PXDNL: variants seen among roughly 807,000 people sequenced by gnomAD.
PXDNL encodes probable oxidoreductase PXDNL.
A neutral mutation model predicts 150.8 loss-of-function variants in PXDNL; 145 were observed. The observed-to-expected ratio is 0.96, with a 90% CI of 0.84 to 1.10. The LOEUF is 1.10. Among genes scored for constraint, PXDNL ranks in the 50% least tolerant of loss-of-function variants. The pLI is 0.00. For synonymous variants in PXDNL, 757 were observed against 725.7 expected (o/e 1.04, Z -0.69); for missense variants, 2,087 against 1,873.9 (o/e 1.11, Z -2.10).
At chr8:51,798,510 A>G (rs1285640021) in intron 1 of PXDNL, among the ~76,000 whole-genome samples, 1 of 152,254 alleles carries the variant, frequency 6.6e-6, no homozygotes, top group Non-Finnish European at 1.5e-5. Context: ...CAACCCCATT[A>G]AAACCTGGGC....
chr8:51,735,003 T>C (rs1055582014), intron 1 of PXDNL, among the ~76,000 whole-genome samples: 1 of 152,212 alleles, frequency 6.6e-6, no homozygotes, highest in Non-Finnish European at 1.5e-5. Context: ...CTATGGTTAA[T>C]AACAACATAT....
At chr8:51,645,000 C>T (rs1164221346) in intron 2 of PXDNL, among the ~76,000 whole-genome samples, 1 of 151,422 alleles carries the variant, frequency 6.6e-6, no homozygotes, top group Non-Finnish European at 1.5e-5. Context: ...CAGGAATTGC[C>T]TCACATGGTT....
At chr8:51,454,668 A>T (rs1390811715) in intron 9 of PXDNL, among the ~76,000 whole-genome samples, 2 of 152,208 alleles carry the variant, frequency 1.3e-5, no homozygotes, top group Admixed American at 6.5e-5. Context: ...ACCATTCCTG[A>T]GATGAACATA....
At chr8:51,730,441 T>A (rs769083671) in intron 1 of PXDNL, among the ~76,000 whole-genome samples, 6 of 152,220 alleles carry the variant, frequency 3.9e-5, no homozygotes, top group Non-Finnish European at 2.9e-5. Flanking sequence ...TAAGCCTTAT[T>A]TTGGAGTGAT....
intron 2 of PXDNL, among the ~76,000 whole-genome samples, chr8:51,627,202 G>A (rs1219193296): frequency 6.6e-6 from 1 of 152,130 alleles, no homozygotes; most frequent in African/African-American, 2.4e-5. Context: ...TTTGCTTCCA[G>A]CGATTCTGGA....
chr8:51,682,186 T>C (rs1409751724), intron 1 of PXDNL, among the ~76,000 whole-genome samples: 2 of 152,170 alleles, frequency 1.3e-5, no homozygotes, highest in Non-Finnish European at 2.9e-5. Context: ...CATGGAATAT[T>C]TTAAATATGA....
intron 1 of PXDNL, among the ~76,000 whole-genome samples, chr8:51,798,664 T>C (rs139962680): frequency 6.6e-6 from 1 of 152,156 alleles, no homozygotes; most frequent in East Asian, 1.9e-4. Flanking sequence ...GTGGTGATTA[T>C]TAAAAAGTCA....
chr8:51,696,672 CACACATCCACACACACA>C (rs1816137000), intron 1 of PXDNL, among the ~76,000 whole-genome samples: 4 of 119,076 alleles, frequency 3.4e-5, no homozygotes, highest in African/African-American at 5.6e-5. Context: ...CACAGGTCCA[CACACATCCACACACACA>C]GGTCCACACA....
At chr8:51,381,188 C>T (rs1807525074) in intron 17 of PXDNL, among the ~76,000 whole-genome samples, 1 of 152,134 alleles carries the variant, frequency 6.6e-6, no homozygotes, top group Non-Finnish European at 1.5e-5. Flanking sequence ...TAAATGACTC[C>T]ATGGGCCTTT....
rs553162624 is a variant in PXDNL, at chr8:51,754,664, C to T, written c.164+54517G>A. Among the ~76,000 whole-genome samples the T allele has an allele frequency of 2.4e-3, 364 of 152,112 alleles. 1 individual carries two copies. Among genetic ancestry groups the T allele is most frequent in the African/African-American group, 8.3e-3 (345 of 41,512 alleles). ...GACTACAGGCGCCCGCCACCATGCCCGGCTAATTTTTTGTATTTTTAGTAG... is the reference window on the plus strand; with the variant it reads ...GACTACAGGCGCCCGCCACCATGCCTGGCTAATTTTTTGTATTTTTAGTAG... On this transcript the variant is annotated intron_variant, in intron 1 of 22. Coordinates refer to ENST00000356297, the MANE Select transcript of PXDNL (RefSeq NM_144651.5).
chr8:51,426,219 T>A (rs867805967), intron 13 of PXDNL, among the ~76,000 whole-genome samples: 2 of 152,218 alleles, frequency 1.3e-5, no homozygotes, highest in African/African-American at 4.8e-5. Flanking sequence ...GTTTTGAAAC[T>A]TCAGAACTAC....
chr8:51,545,713 A>T, intron 4 of PXDNL, among the ~76,000 whole-genome samples: 1 of 152,180 alleles, frequency 6.6e-6, no homozygotes, highest in East Asian at 1.9e-4. Flanking sequence ...CAATCCCAAG[A>T]TGTGGAACTC....
intron 4 of PXDNL, among the ~76,000 whole-genome samples, chr8:51,507,721 A>G (rs1811323087): frequency 6.6e-6 from 1 of 152,140 alleles, no homozygotes; most frequent in African/African-American, 2.4e-5. Context: ...CCTCCCAGGG[A>G]ATATCTGGCA....
chr8:51,688,368 G>C (rs2130858441), intron 1 of PXDNL, among the ~76,000 whole-genome samples: 1 of 152,238 alleles, frequency 6.6e-6, no homozygotes, highest in African/African-American at 2.4e-5. Context: ...TTGTGTTTTA[G>C]AAAGGGCATT....
At chr8:51,336,173 ATAGATTCTCTTAAACATTC>A in intron 21 of PXDNL, among the ~76,000 whole-genome samples, 1 of 152,326 alleles carries the variant, frequency 6.6e-6, no homozygotes, top group African/African-American at 2.4e-5. Context: ...ATTATGGTAT[ATAGATTCTCTTAAACATTC>A]TAGATTCTGT....
chr8:51,754,896 A>T (rs534675114), intron 1 of PXDNL, among the ~76,000 whole-genome samples: 20 of 152,254 alleles, frequency 1.3e-4, no homozygotes, highest in East Asian at 7.7e-4. Flanking sequence ...TTAAAAAAAA[A>T]ATATTTTTTA....
At chr8:51,605,729 T>G (rs1421604315) in intron 2 of PXDNL, among the ~76,000 whole-genome samples, 1 of 152,234 alleles carries the variant, frequency 6.6e-6, no homozygotes, top group African/African-American at 2.4e-5. Flanking sequence ...TTCTCATGAA[T>G]AAATTAATGG....
chr8:51,763,586 G>A (rs1015438814), intron 1 of PXDNL, among the ~76,000 whole-genome samples: 22 of 152,062 alleles, frequency 1.4e-4, no homozygotes, highest in African/African-American at 5.3e-4. Flanking sequence ...CCTCCAGGAT[G>A]CCCACTTGGG....
At chr8:51,377,913 A>G (rs1056120643) in intron 17 of PXDNL, among the ~76,000 whole-genome samples, 4 of 152,244 alleles carry the variant, frequency 2.6e-5, no homozygotes, top group African/African-American at 9.6e-5. Flanking sequence ...GCAGGAGCAG[A>G]GCAGGGGACT....
Sources: allele counts gnomAD v4.1 joint callset (sites outside exome capture counted in the v4.1 genomes callset), GRCh38; gene constraint gnomAD v4.1.1; transcripts MANE v1.5; gene names NCBI Gene and HGNC (gene_info 2026-07-23, HGNC 2026-07-21).